CCSER1: variants seen among roughly 807,000 people sequenced by gnomAD.
CCSER1 encodes the protein coiled-coil serine rich protein 1.
A neutral mutation model predicts 82.0 loss-of-function variants in CCSER1; 41 were observed. The observed-to-expected ratio is 0.50, with a 90% confidence interval of 0.39 to 0.65. The LOEUF is 0.65. Ranked by LOEUF, CCSER1 falls within the 30% of genes least tolerant of loss-of-function variation. CCSER1 has a pLI of 0.00. For missense variants in CCSER1, 1,119 were observed against 1,064.2 expected, an observed-to-expected ratio of 1.05 and a Z score of -0.72; for synonymous variants, 414 against 383.9, an observed-to-expected ratio of 1.08 and a Z score of -0.92.
chr4:91,268,857 A>G (rs1384211842), intron 10 of CCSER1, among the ~76,000 whole-genome samples: 6 of 152,186 alleles, frequency 3.9e-5, no homozygotes, highest in Non-Finnish European at 8.8e-5. Flanking sequence ...GAATGTCATC[A>G]GTTAAGGCAG....
chr4:90,802,360 T>C (rs1457456335), intron 7 of CCSER1, among the ~76,000 whole-genome samples: 3 of 149,810 alleles, frequency 2.0e-5, no homozygotes, highest in Non-Finnish European at 4.4e-5. Context: ...GTATAATCAG[T>C]AAAGATATCC....
chr4:91,137,118 G>A (rs1286802258), intron 10 of CCSER1, among the ~76,000 whole-genome samples: 4 of 141,286 alleles, frequency 2.8e-5, no homozygotes, highest in South Asian at 2.3e-4. Flanking sequence ...CCACTAACTC[G>A]TCATCTAGCC....
At chr4:90,132,474 CTG>C (rs1425204247) in intron 1 of CCSER1, among the ~76,000 whole-genome samples, 1 of 152,070 alleles carries the variant, frequency 6.6e-6, no homozygotes, top group Non-Finnish European at 1.5e-5. Context: ...GGAGAAAACA[CTG>C]TAACAAAAGA....
intron 10 of CCSER1, among the ~76,000 whole-genome samples, chr4:91,335,922 A>G (rs1201430083): frequency 1.3e-5 from 2 of 152,094 alleles, no homozygotes; most frequent in Non-Finnish European, 2.9e-5. Flanking sequence ...GCCTTACATA[A>G]AGAATCACAA....
rs1018312374 is a variant in CCSER1, at chr4:90,593,679, T to TTGTTGTATA, written c.1725-34345_1725-34344insGTTGTATAT. Among the ~76,000 whole-genome samples, 6 of 54,664 alleles carry TTGTTGTATA rather than the reference T, an allele frequency of 1.1e-4. No individual in the cohort carries two copies. The African/African-American group carries it at 2.3e-3, about 21-fold the overall frequency. 35.9% of individuals were successfully genotyped at this position (54,664 alleles called of 152,430 possible). A position where few individuals can be genotyped will look rare whatever the true frequency, so the allele number is the denominator to read the frequency against. ...CATTAGCCCTTTTGCACTGTATATATTATTGTTGTATATTTTCCCTGGGTG... is the reference window on the plus strand; with the variant it reads ...CATTAGCCCTTTTGCACTGTATATATTGTTGTATATATTGTTGTATATTTTCCCTGGGTG... On this transcript the variant is annotated intron_variant, in intron 5 of 10. Coordinates refer to ENST00000509176, the MANE Select transcript of CCSER1 (RefSeq NM_001145065.2).
At chr4:90,259,224 G>A (rs1179895242) in intron 1 of CCSER1, among the ~76,000 whole-genome samples, 1 of 151,896 alleles carries the variant, frequency 6.6e-6, no homozygotes, top group Non-Finnish European at 1.5e-5. Flanking sequence ...GTATTTTATT[G>A]TTTTTGCAGC....
At chr4:90,276,302 CCTTCCT>C (rs1727757018) in intron 1 of CCSER1, among the ~76,000 whole-genome samples, 3 of 115,258 alleles carry the variant, frequency 2.6e-5, no homozygotes, top group Admixed American at 9.1e-5. Context: ...TTCCTTCCTT[CCTTCCT>C]TTCTTTCTTT....
chr4:91,435,202 G>A lies in CCSER1; in HGVS notation c.2218-163370G>A, dbSNP rs144020576. ...GCCTGTGATCCCAAGCACTTTGGGA[G>A]GCTGAGGTGGGAGAATCACTTGAGT... On this transcript the variant is annotated intron_variant, in intron 10 of 10. Transcript: ENST00000509176. Among the ~76,000 whole-genome samples the A allele has an allele frequency of 2.8e-3, 421 of 152,338 alleles. 2 individuals carry two copies. The highest frequency in any genetic ancestry group is 9.7e-3 in the African/African-American group (403 of 41,592).
Position 91,522,630 on chromosome 4 carries a change from T to A in CCSER1, c.2218-75942T>A, listed in dbSNP as rs192791636. ...ATTCCTAGGTATTTTATTCTCTTTGTAGCAATTGTGAATGGGAATGCACTC... is the reference window on the plus strand; with the variant it reads ...ATTCCTAGGTATTTTATTCTCTTTGAAGCAATTGTGAATGGGAATGCACTC... On this transcript the variant is annotated intron_variant, in intron 10 of 10. Transcript: ENST00000509176. Among the ~76,000 whole-genome samples, 656 of 152,278 alleles carry A rather than the reference T, an allele frequency of 4.3e-3. 8 individuals carry two copies. Among genetic ancestry groups the A allele is most frequent in the African/African-American group, 0.015 (608 of 41,560 alleles).
rs550588107 is a variant in CCSER1 at position 90,986,839 on chromosome 4, A to T, written c.2172+63392A>T. Among the ~76,000 whole-genome samples the T allele has an allele frequency of 4.1e-3, 623 of 151,846 alleles. 10 individuals are homozygous for T. Among genetic ancestry groups the T allele is most frequent in the South Asian group, 0.035 (170 of 4,822 alleles). On this transcript the variant is annotated intron_variant, in intron 9 of 10. Coordinates refer to ENST00000509176, the MANE Select transcript of CCSER1 (RefSeq NM_001145065.2). The stretch of plus-strand genomic sequence containing the variant: ...CAGAATATTTGCTAAACTCCCCATA[A>T]CAACGCCTTCGGAGACCCTGTGTAT...
intron 5 of CCSER1, among the ~76,000 whole-genome samples, chr4:90,470,888 T>C (rs1401627322): frequency 1.3e-5 from 2 of 151,968 alleles, no homozygotes; most frequent in African/African-American, 4.8e-5. Flanking sequence ...TGGTGGCGAT[T>C]GACTAGATAA....
chr4:91,357,887 C>T (rs866703921), intron 10 of CCSER1, among the ~76,000 whole-genome samples: 6,560 of 55,478 alleles, frequency 0.12, 1,137 homozygotes, highest in African/African-American at 0.41. Flanking sequence ...CCCCCCCCCC[C>T]TTTTTTTTTT....
intron 10 of CCSER1, among the ~76,000 whole-genome samples, chr4:91,563,135 A>T (rs1762730364): frequency 6.6e-6 from 1 of 151,696 alleles, no homozygotes; most frequent in African/African-American, 2.4e-5. Flanking sequence ...AATGGTTCCA[A>T]AATAAAGAAA....
intron 9 of CCSER1, among the ~76,000 whole-genome samples, chr4:91,019,445 ATTAAT>A (rs1396728813): frequency 2.0e-5 from 3 of 152,094 alleles, no homozygotes; most frequent in Non-Finnish European, 4.4e-5. Context: ...TGAGTTTTTT[ATTAAT>A]TTAATAATAA....
chr4:90,790,032 C>T (rs1755025298), intron 7 of CCSER1, among the ~76,000 whole-genome samples: 1 of 152,128 alleles, frequency 6.6e-6, no homozygotes, highest in African/African-American at 2.4e-5. Context: ...ATTCTTGACT[C>T]TCCCTTCTCA....
chr4:90,898,277 T>C, intron 8 of CCSER1, among the ~76,000 whole-genome samples: 1 of 98,498 alleles, frequency 1.0e-5, no homozygotes, highest in Non-Finnish European at 2.1e-5. Context: ...ATCTTTTTTT[T>C]TTTTTTTTTT....
At chr4:91,371,485 T>C (rs1465617885) in intron 10 of CCSER1, among the ~76,000 whole-genome samples, 1 of 152,210 alleles carries the variant, frequency 6.6e-6, no homozygotes, top group African/African-American at 2.4e-5. Flanking sequence ...GTTCCATTTA[T>C]GTTGTTGCAA....
chr4:91,023,504 A>G (rs561912493), intron 9 of CCSER1, among the ~76,000 whole-genome samples: 1 of 152,210 alleles, frequency 6.6e-6, no homozygotes, highest in African/African-American at 2.4e-5. Context: ...ATAATGCCAC[A>G]TATCTACAAC....
chr4:91,552,997 G>A (rs547601291), intron 10 of CCSER1, among the ~76,000 whole-genome samples: 2 of 151,460 alleles, frequency 1.3e-5, no homozygotes, highest in East Asian at 3.9e-4. Context: ...TGAATATAAC[G>A]TTAGCTGTGA....
Sources: gnomAD v4.1 joint callset for allele counts (sites outside exome capture counted in the v4.1 genomes callset) on GRCh38, gnomAD v4.1.1 for gene constraint, MANE v1.5 for transcripts, NCBI Gene and HGNC (gene_info 2026-07-23, HGNC 2026-07-21) for gene names.